Variants in SYCP1 observed in about 807,000 individuals in gnomAD.
The protein encoded by SYCP1 is synaptonemal complex protein 1, also known as cancer/testis antigen 8.
In SYCP1, 64 loss-of-function variants were observed where a neutral mutation model predicts 153.1. The ratio of observed to expected loss-of-function variants is 0.42; its 90% CI spans 0.34 to 0.51. SYCP1 has a LOEUF of 0.51. Among genes scored for constraint, SYCP1 ranks in the 20% least tolerant of loss-of-function variants. The pLI is 0.06. For missense variants in SYCP1, 997 were observed against 1,049.0 expected, an observed-to-expected ratio of 0.95 and a Z score of 0.68; for synonymous variants, 384 against 341.8, an observed-to-expected ratio of 1.12 and a Z score of -1.36.
intron 16 of SYCP1, among the ~76,000 whole-genome samples, chr1:114,895,821 C>T (rs1022175910): frequency 5.3e-5 from 8 of 151,880 alleles, no homozygotes; most frequent in African/African-American, 4.8e-5. Flanking sequence ...AATAAAGATG[C>T]AATTTTGAAA....
At chr1:114,890,053 A>C (rs1173350297) in intron 15 of SYCP1, among the ~76,000 whole-genome samples, 1 of 152,130 alleles carries the variant, frequency 6.6e-6, no homozygotes, top group Admixed American at 6.5e-5. Flanking sequence ...ATTTTCTCAC[A>C]GTAGAGCAAT....
chr1:114,942,599 C>T (rs997639929), intron 23 of SYCP1, among the ~76,000 whole-genome samples: 1 of 151,888 alleles, frequency 6.6e-6, no homozygotes, highest in Non-Finnish European at 1.5e-5. Context: ...AGTGATATTG[C>T]AGATATGTAG....
In SYCP1 at chr1:114,915,830, A is replaced by G. The variant is rs1340951208; in HGVS notation, c.1718+1785A>G. ...TGTATAAAAGGCATGGTAATCCGGC[A>G]ACAGAGTACTTATCCTATTAGCAGC... On this transcript the variant is annotated intron_variant, in intron 20 of 31. Coordinates refer to ENST00000369522, the MANE Select transcript of SYCP1 (RefSeq NM_003176.4). 7.9e-5 allele frequency among the ~76,000 whole-genome samples: 12 copies of G among 152,198 alleles called. No homozygotes were observed. The East Asian group carries it at 1.9e-3, about 24-fold the overall frequency.
intron 12 of SYCP1, among the ~76,000 whole-genome samples, chr1:114,879,062 G>A (rs1249262251): frequency 6.6e-6 from 1 of 152,162 alleles, no homozygotes; most frequent in Non-Finnish European, 1.5e-5. Flanking sequence ...AAACTGACTG[G>A]TGTGGCAACA....
At chr1:114,978,795 G>A (rs902653061) in intron 28 of SYCP1, among the ~76,000 whole-genome samples, 2 of 151,554 alleles carry the variant, frequency 1.3e-5, no homozygotes, top group Non-Finnish European at 3.0e-5. Context: ...CAGACACTGT[G>A]CTAGACACTT....
At chr1:114,881,193 CATT>C (rs1394501953) in intron 12 of SYCP1, among the ~76,000 whole-genome samples, 1 of 151,872 alleles carries the variant, frequency 6.6e-6, no homozygotes, top group East Asian at 1.9e-4. Flanking sequence ...ATAGATGGAA[CATT>C]ATTATTACTG....
intron 15 of SYCP1, among the ~76,000 whole-genome samples, chr1:114,893,090 T>A (rs891856909): frequency 1.3e-5 from 2 of 152,206 alleles, no homozygotes; most frequent in Non-Finnish European, 2.9e-5. Flanking sequence ...TCTTAGAGGA[T>A]CTATTTGAAG....
At chr1:114,943,308 A>G (rs1246737988) in intron 23 of SYCP1, among the ~76,000 whole-genome samples, 1 of 151,948 alleles carries the variant, frequency 6.6e-6, no homozygotes, top group Non-Finnish European at 1.5e-5. Context: ...CATTCATAGC[A>G]CTATTGTGTG....
intron 30 of SYCP1, among the ~76,000 whole-genome samples, chr1:114,989,030 TGTG>T (rs974031698): frequency 5.3e-5 from 8 of 151,722 alleles, no homozygotes; most frequent in African/African-American, 1.9e-4. Context: ...AGTCAGGCAT[TGTG>T]GTGCACATCT....
chr1:114,868,259 C>G (rs1385044782), intron 8 of SYCP1, among the ~76,000 whole-genome samples: 6 of 151,990 alleles, frequency 3.9e-5, no homozygotes, highest in Non-Finnish European at 7.4e-5. Flanking sequence ...CTGCCTCAGC[C>G]TCCTCAGTGG....
At chr1:114,972,379 G>A (rs1268372697) in intron 27 of SYCP1, among the ~76,000 whole-genome samples, 3 of 151,156 alleles carry the variant, frequency 2.0e-5, no homozygotes, top group African/African-American at 4.9e-5. Flanking sequence ...TTTTTGTTTC[G>A]TTGATCTTTT....
At chr1:114,885,467 A>G (rs1330083386) in intron 12 of SYCP1, 68 bp from the exon 13 acceptor site, 1 of 918,838 alleles carries the variant, frequency 1.1e-6, no homozygotes, top group Non-Finnish European at 1.7e-6. Context: ...AATTGTCACA[A>G]ATAATACTTA....
intron 12 of SYCP1, among the ~76,000 whole-genome samples, chr1:114,880,920 C>A (rs72694082): frequency 3.3e-5 from 5 of 151,820 alleles, no homozygotes; most frequent in Non-Finnish European, 5.9e-5. Flanking sequence ...TTGTTATTGC[C>A]TAATTTATTT....
At chr1:114,929,120 T>C (rs1176572527) in intron 23 of SYCP1, among the ~76,000 whole-genome samples, 1 of 152,108 alleles carries the variant, frequency 6.6e-6, no homozygotes, top group Non-Finnish European at 1.5e-5. Flanking sequence ...ACCTAATCAC[T>C]TCCCACAGGC....
intron 23 of SYCP1, among the ~76,000 whole-genome samples, chr1:114,933,203 G>A (rs1669755878): frequency 6.6e-6 from 1 of 152,188 alleles, no homozygotes; most frequent in Non-Finnish European, 1.5e-5. Flanking sequence ...GAAGCTTCCA[G>A]AGGAACGATC....
In SYCP1 at chr1:114,858,672, G is replaced by A; in HGVS notation, c.417G>A (p.Lys139=). 6.2e-7 allele frequency: 1 copy of A among 1,612,296 alleles called. No individual in the cohort carries two copies. The highest frequency in any genetic ancestry group is 8.5e-7 in the Non-Finnish European group (1 of 1,179,318). ...QKESKLQENR[K]IIEAQRKAIQ... ...AAAGTAAGTTGCAAGAAAACAGAAA[G>A]ATAATTGAAGCACAGCGAAAAGCCA... Residue 139 remains lysine, a synonymous_variant, in exon 6 of 32, where the codon AAG becomes AAA. Transcript: ENST00000369522.
intron 8 of SYCP1, among the ~76,000 whole-genome samples, chr1:114,864,058 G>A (rs536401955): frequency 4.0e-5 from 6 of 151,380 alleles, no homozygotes; most frequent in East Asian, 3.9e-4. Context: ...GTTGATAGGT[G>A]CAGCAAACCA....
intron 28 of SYCP1, among the ~76,000 whole-genome samples, chr1:114,979,882 C>T (rs1214192621): frequency 6.6e-6 from 1 of 151,760 alleles, no homozygotes; most frequent in Non-Finnish European, 1.5e-5. Flanking sequence ...ATATGATGTA[C>T]CTGGCTCCTA....
chr1:114,880,675 A>G (rs567008291), intron 12 of SYCP1, among the ~76,000 whole-genome samples: 5 of 152,310 alleles, frequency 3.3e-5, no homozygotes, highest in South Asian at 4.1e-4. Flanking sequence ...TTAAGACAGC[A>G]TCTTAGTCTT....
Sources: gnomAD v4.1 joint callset for allele counts (sites outside exome capture counted in the v4.1 genomes callset) on GRCh38, gnomAD v4.1.1 for gene constraint, MANE v1.5 for transcripts, NCBI Gene and HGNC (gene_info 2026-07-23, HGNC 2026-07-21) for gene names.